Variants in OTUD7A observed in about 807,000 individuals in gnomAD.
The protein encoded by OTUD7A is OTU deubiquitinase 7A, also known as OTU domain-containing protein 7A.
In OTUD7A, 12 loss-of-function variants were observed where a neutral mutation model predicts 65.7. The observed-to-expected ratio is 0.18, with a 90% CI of 0.12 to 0.30. The LOEUF (loss-of-function observed/expected upper bound fraction) is 0.30. Ranked by LOEUF, OTUD7A falls within the 10% of genes least tolerant of loss-of-function variation. The probability of loss-of-function intolerance (pLI) is 1.00; values close to 1 mark genes in which losing one functional copy is unlikely to be tolerated. For synonymous variants in OTUD7A, 641 were observed against 586.3 expected (o/e 1.09, Z -1.35); for missense variants, 1,148 against 1,304.8 (o/e 0.88, Z 1.85).
At position 31,503,785 on chromosome 15, in the gene OTUD7A, GCT is replaced by G. The variant is rs2041512526; in HGVS notation, c.925_926del (p.Ser309ProfsTer62). On this transcript the variant is annotated frameshift_variant, in exon 9 of 13. Coordinates refer to ENST00000307050, the MANE Select transcript of OTUD7A (RefSeq NM_001382637.1). LOFTEE classifies it high-confidence loss of function. ...GGACAAAAACGTGGAACTCTTCCAGGCTCTCGTACACGGGGTCCTCAGAGTTG... is the reference window on the plus strand; with the variant it reads ...GGACAAAAACGTGGAACTCTTCCAGGCTCGTACACGGGGTCCTCAGAGTTG... ...VDNSEDPVYESLEEFHVFVLA... is the reference protein window; with the variant it reads ...VDNSEDPVYEXLEEFHVFVLA... 1 of 1,614,068 alleles carries G rather than the reference GCT, an allele frequency of 6.2e-7. No individual in the cohort carries two copies. The highest frequency in any genetic ancestry group is 1.3e-5 in the African/African-American group (1 of 74,930).
intron 1 of OTUD7A, among the ~76,000 whole-genome samples, chr15:31,856,953 G>T (rs1383372524): frequency 6.6e-6 from 1 of 152,190 alleles, no homozygotes; most frequent in African/African-American, 2.4e-5. Context: ...CTTTTTCCAG[G>T]TGACCTTTCT....
intron 3 of OTUD7A, among the ~76,000 whole-genome samples, chr15:31,653,187 G>A (rs1255154750): frequency 6.6e-5 from 10 of 151,700 alleles, no homozygotes; most frequent in Non-Finnish European, 1.0e-4. Flanking sequence ...CCCAGGAGGC[G>A]GAGGTTGCAA....
At chr15:31,653,203 C>T (rs1440641645) in intron 3 of OTUD7A, among the ~76,000 whole-genome samples, 3 of 151,048 alleles carry the variant, frequency 2.0e-5, no homozygotes, top group African/African-American at 4.9e-5. Flanking sequence ...TGCAATGAGC[C>T]GAGATAGCGC....
chr15:31,777,528 G>A (rs923042318), intron 1 of OTUD7A, among the ~76,000 whole-genome samples: 1 of 8,346 alleles, frequency 1.2e-4, no homozygotes, highest in Admixed American at 2.6e-3. Flanking sequence ...ACAGAAAATG[G>A]AGGGGTCCTC....
In OTUD7A at chr15:31,482,225, G is replaced by A. The variant is rs1205635495; in HGVS notation, c.*1069C>T. ...GCAGGGTCGTCCTGCCCCGTGGAGG[G>A]GCCACGATCACAGTGAGTCCCTTTA... On this transcript the variant is annotated 3_prime_UTR_variant, in exon 13 of 13. Coordinates refer to ENST00000307050, the MANE Select transcript of OTUD7A (RefSeq NM_001382637.1). 1 of 152,244 alleles carries A rather than the reference G, an allele frequency of 6.6e-6. No individual in the cohort carries two copies. Among genetic ancestry groups the A allele is most frequent in the Admixed American group, 6.5e-5 (1 of 15,294 alleles). The allele number at this position is 152,244 out of a possible 1,614,324, so 9.4% of individuals were successfully genotyped here.
intron 1 of OTUD7A, among the ~76,000 whole-genome samples, chr15:31,671,701 G>C (rs1173707823): frequency 6.6e-6 from 1 of 151,842 alleles, no homozygotes; most frequent in Non-Finnish European, 1.5e-5. Flanking sequence ...TGTGCTTTTT[G>C]ATTTGGTTTT....
chr15:31,548,736 C>A (rs1031493337), intron 5 of OTUD7A, among the ~76,000 whole-genome samples: 1 of 152,178 alleles, frequency 6.6e-6, no homozygotes, highest in African/African-American at 2.4e-5. Context: ...CCCATCCTAT[C>A]CCAGATGACC....
intron 1 of OTUD7A, among the ~76,000 whole-genome samples, chr15:31,781,764 T>C (rs754507104): frequency 6.6e-6 from 1 of 152,216 alleles, no homozygotes; most frequent in Non-Finnish European, 1.5e-5. Context: ...ACCATCATCC[T>C]ATTCAGGGAC....
intron 1 of OTUD7A, among the ~76,000 whole-genome samples, chr15:31,689,709 T>C (rs574476631): frequency 1.3e-5 from 2 of 152,348 alleles, no homozygotes; most frequent in Admixed American, 1.3e-4. Context: ...TTCAAATGAA[T>C]GTCCCATCAG....
chr15:31,813,641 T>C (rs1896477390), intron 1 of OTUD7A, among the ~76,000 whole-genome samples: 1 of 152,224 alleles, frequency 6.6e-6, no homozygotes, highest in African/African-American at 2.4e-5. Context: ...ATGGACATTG[T>C]GCATCTTTAA....
At chr15:31,631,737 A>G (rs1891164408) in intron 3 of OTUD7A, among the ~76,000 whole-genome samples, 2 of 152,198 alleles carry the variant, frequency 1.3e-5, no homozygotes, top group Non-Finnish European at 2.9e-5. Flanking sequence ...AATCAGACGT[A>G]AATTTGGTCT....
intron 5 of OTUD7A, among the ~76,000 whole-genome samples, chr15:31,532,842 G>A (rs995014714): frequency 6.6e-6 from 1 of 151,340 alleles, no homozygotes; most frequent in Non-Finnish European, 1.5e-5. Context: ...GCTGAGGCAG[G>A]AGAATGGCGT....
intron 1 of OTUD7A, among the ~76,000 whole-genome samples, chr15:31,868,107 GA>G (rs1567063332): frequency 6.6e-6 from 1 of 152,204 alleles, no homozygotes; most frequent in Non-Finnish European, 1.5e-5. Context: ...ATCCCAAAGG[GA>G]ACAGAAAGAA....
intron 1 of OTUD7A, among the ~76,000 whole-genome samples, chr15:31,868,922 T>G (rs1265937309): frequency 1.3e-5 from 2 of 152,206 alleles, no homozygotes; most frequent in African/African-American, 4.8e-5. Flanking sequence ...TTGAGTGGCA[T>G]ATGGTATTAA....
intron 1 of OTUD7A, among the ~76,000 whole-genome samples, chr15:31,795,001 T>C (rs958851034): frequency 6.6e-6 from 1 of 152,248 alleles, no homozygotes; most frequent in African/African-American, 2.4e-5. Context: ...GAAAATAAGA[T>C]TACTGCGGCT....
intron 1 of OTUD7A, among the ~76,000 whole-genome samples, chr15:31,736,170 T>C (rs1450776045): frequency 6.6e-6 from 1 of 152,100 alleles, no homozygotes; most frequent in Non-Finnish European, 1.5e-5. Flanking sequence ...CAACACAAGT[T>C]TACCTTTGTA....
At chr15:31,767,621 T>C in intron 1 of OTUD7A, 1 of 788,162 alleles carries the variant, frequency 1.3e-6, no homozygotes, top group Admixed American at 1.7e-5. Flanking sequence ...AGTTTGCAGG[T>C]AGATCAGAAT....
chr15:31,736,032 G>A (rs1894182273), intron 1 of OTUD7A, among the ~76,000 whole-genome samples: 1 of 152,264 alleles, frequency 6.6e-6, no homozygotes, highest in Non-Finnish European at 1.5e-5. Context: ...GACACATAGA[G>A]GGGAACAACA....
chr15:31,573,644 T>C (rs1175734113), intron 3 of OTUD7A, among the ~76,000 whole-genome samples: 1 of 152,244 alleles, frequency 6.6e-6, no homozygotes, highest in Non-Finnish European at 1.5e-5. Context: ...TTCACACCTG[T>C]AATCCCAGTA....
Sources: gnomAD v4.1 joint callset for allele counts (sites outside exome capture counted in the v4.1 genomes callset) on GRCh38, gnomAD v4.1.1 for gene constraint, MANE v1.5 for transcripts, NCBI Gene and HGNC (gene_info 2026-07-23, HGNC 2026-07-21) for gene names.